The following SKI variants were observed in gnomAD, a reference collection of about 807,000 sequenced individuals.
SKI encodes SKI proto-oncogene, also known as ski oncogene.
A neutral mutation model predicts 59.3 loss-of-function variants in SKI; 23 were observed. The ratio of observed to expected loss-of-function variants is 0.39; its 90% confidence interval spans 0.28 to 0.55. The LOEUF (loss-of-function observed/expected upper bound fraction) is 0.55, where lower values mean the gene tolerates loss of function less well. Ranked by LOEUF, SKI falls within the 20% of genes least tolerant of loss-of-function variation. SKI has a pLI of 0.67. For missense variants in SKI, 1,017 were observed against 1,038.9 expected, an observed-to-expected ratio of 0.98 and a Z score of 0.29; for synonymous variants, 673 against 488.6, an observed-to-expected ratio of 1.38 and a Z score of -4.98.
chr1:2,303,363 G>C lies in SKI; in HGVS notation c.1174G>C (p.Glu392Gln), dbSNP rs1640475876. ...CCCCGCAGTGTCAGCGAGTGAGAAA[G>C]AGCTCTCCCCACACCTCCCGGCCCT... is the stretch of plus-strand genomic sequence containing the variant. ...WSPAVSASEK[E>Q]LSPHLPALIR... Residue 392 changes from glutamate (E) to glutamine (Q), a missense_variant, in exon 3 of 7, where the codon GAG becomes CAG. Transcript: ENST00000378536. The surrounding 1 kb of genome is among the most constrained non-coding windows in gnomAD (Gnocchi z 5.6). 1.2e-6 allele frequency: 2 copies of C among 1,613,674 alleles called. No homozygotes were observed. Among genetic ancestry groups the C allele is most frequent in the East Asian group, 2.2e-5 (1 of 44,876 alleles).
Position 2,229,033 on chromosome 1 carries a change from C to T in SKI, c.267C>T (p.Pro89=), listed in dbSNP as rs528051602. 1.1e-5 allele frequency: 18 copies of T among 1,600,946 alleles called. No homozygotes were observed. The South Asian group carries it at 1.2e-4, about 11-fold the overall frequency. ...IQPPPPVLPG[P]FFMPSDRSTE... is the part of the protein sequence containing the mutation. ...CGCCGCCGCCCGTGCTGCCCGGGCC[C>T]TTCTTCATGCCGTCCGACCGCTCCA... Residue 89 remains proline, a synonymous_variant, in exon 1 of 7, where the codon CCC becomes CCT. Transcript: ENST00000378536. The surrounding 1 kb of genome is among the most constrained non-coding windows in gnomAD (Gnocchi z 6.3).
chr1:2,306,349 G>C, intron 6 of SKI, 99 bp downstream of exon 6: 2 of 1,219,310 alleles, frequency 1.6e-6, no homozygotes, highest in Non-Finnish European at 2.2e-6. Flanking sequence ...CCTTGGAGCA[G>C]AAGCCAGGCC....
Position 2,303,539 on chromosome 1 carries a change from C to CT in SKI, c.1211+139_1211+140insT. On this transcript the variant is annotated intron_variant, in intron 3 of 6. Transcript: ENST00000378536. This position sits in a 1 kb window ranked among gnomAD's most constrained non-coding sequence, Gnocchi z 5.6. ...GGTCAGGGCAGTCTCGGTGTTGGTT[C>CT]CTTTGGCTGGCATCAGGGAGAGCAC... is the stretch of plus-strand genomic sequence containing the variant. The CT allele has an allele frequency of 1.3e-6, 1 of 789,762 alleles. No homozygotes were observed. The allele number at this position is 789,762 out of a possible 1,614,324, so 48.9% of individuals were successfully genotyped here.
chr1:2,274,060 G>A (rs183304355), intron 1 of SKI, among the ~76,000 whole-genome samples: 87 of 151,732 alleles, frequency 5.7e-4, no homozygotes, highest in African/African-American at 2.0e-3. Flanking sequence ...ACCCAGCCCC[G>A]GGGTCAGGTG....
intron 6 of SKI, 96 bp downstream of exon 6, chr1:2,306,346 G>A: frequency 8.2e-7 from 1 of 1,226,050 alleles, no homozygotes; most frequent in Non-Finnish European, 1.1e-6. Flanking sequence ...AGGCCTTGGA[G>A]CAGAAGCCAG....
At chr1:2,291,042 AG>A (rs1047458022) in intron 1 of SKI, among the ~76,000 whole-genome samples, 3 of 152,234 alleles carry the variant, frequency 2.0e-5, no homozygotes, top group Non-Finnish European at 4.4e-5. Context: ...AGTCGCTGGC[AG>A]GAGCGTCCGG....
intron 1 of SKI, among the ~76,000 whole-genome samples, chr1:2,275,265 GCTCAGGCGC>G (rs1342694037): frequency 1.3e-5 from 2 of 152,222 alleles, no homozygotes; most frequent in Non-Finnish European, 2.9e-5. Flanking sequence ...CCACGGCTCC[GCTCAGGCGC>G]CACGGCGGCT....
intron 1 of SKI, among the ~76,000 whole-genome samples, chr1:2,253,290 G>GCC (rs1639201556): frequency 6.6e-6 from 1 of 151,962 alleles, no homozygotes; most frequent in Non-Finnish European, 1.5e-5. Context: ...GAGCACCCAG[G>GCC]TTGGTATCAT....
In SKI at chr1:2,304,323, C is replaced by A; in HGVS notation, c.1505C>A (p.Pro502Gln). 1 of 1,551,680 alleles carries A rather than the reference C, an allele frequency of 6.4e-7. No individual in the cohort carries two copies. Residue 502 changes from proline (P) to glutamine (Q), a missense_variant, in exon 5 of 7, where the codon CCG (proline) becomes CAG (glutamine). By Grantham distance (76) the Pro-to-Gln change is moderately conservative. Transcript: ENST00000378536. ...FTSSLSSLSS[P>Q]SFTSSSSAKD... ...TCCTCCTTGTCCTCGCTCTCTTCCC[C>A]GTCCTTTACCTCATCCAGCTCCGCC... is the stretch of plus-strand genomic sequence containing the variant.
At chr1:2,304,678 TC>T in intron 5 of SKI, 93 bp downstream of exon 5, 1 of 1,460,636 alleles carries the variant, frequency 6.8e-7, no homozygotes, top group Non-Finnish European at 9.0e-7. Flanking sequence ...CCTCCTCCCT[TC>T]CTGGCTGCCC....
chr1:2,246,699 A>G (rs1382343124), intron 1 of SKI, among the ~76,000 whole-genome samples: 1 of 152,140 alleles, frequency 6.6e-6, no homozygotes, highest in East Asian at 1.9e-4. Context: ...TGTGTGATGA[A>G]GAGATGACAG....
chr1:2,308,445 T>G lies in SKI; in HGVS notation c.*1680T>G, dbSNP rs1184726630. The G allele has an allele frequency of 6.6e-6, 1 of 152,276 alleles. No individual in the cohort carries two copies. Among genetic ancestry groups the G allele is most frequent in the East Asian group, 1.9e-4 (1 of 5,202 alleles). 9.4% of individuals were successfully genotyped at this position (152,276 alleles called of 1,614,324 possible). On this transcript the variant is annotated 3_prime_UTR_variant, in exon 7 of 7. Transcript: ENST00000378536. ...TATATGCAGCGTTTGTTTGGAATTT[T>G]CTTTGCTTTTGTTTTCTTTGCGGTT...
chr1:2,303,159 G>C lies in SKI; in HGVS notation c.1095+56G>C, dbSNP rs899783159. 1 of 1,610,350 alleles carries C rather than the reference G, an allele frequency of 6.2e-7. No homozygotes were observed. On this transcript the variant is annotated intron_variant, in intron 2 of 6. Transcript: ENST00000378536. The surrounding 1 kb of genome is among the most constrained non-coding windows in gnomAD (Gnocchi z 5.6). ...TGGTGGGTACTGGGCCCTTCTCCTTGGGCAGACCCAGCGGCTGGCAGCTCC... is the reference window on the plus strand; with the variant it reads ...TGGTGGGTACTGGGCCCTTCTCCTTCGGCAGACCCAGCGGCTGGCAGCTCC...
rs1435032825 is a variant in SKI, at chr1:2,306,141, C to G, written c.1889C>G (p.Ala630Gly). 1.3e-6 allele frequency: 2 copies of G among 1,595,716 alleles called. No individual in the cohort carries two copies. The highest frequency in any genetic ancestry group is 1.7e-6 in the Non-Finnish European group (2 of 1,172,510). ...RAENEKKMKE[A>G]NESRLRLKRE... is the part of the protein sequence containing the mutation. ...GAGAACGAGAAGAAGATGAAAGAGG[C>G]CAACGAGTCACGGCTGCGCCTGAAG... Residue 630 changes from alanine to glycine, a missense_variant, in exon 6 of 7, where the codon GCC becomes GGC. Physicochemically the swap from Ala to Gly is moderately conservative, Grantham distance 60. Coordinates refer to ENST00000378536, the MANE Select transcript of SKI (RefSeq NM_003036.4).
chr1:2,259,135 C>T (rs1013625533), intron 1 of SKI, among the ~76,000 whole-genome samples: 8 of 152,178 alleles, frequency 5.3e-5, no homozygotes, highest in African/African-American at 7.2e-5. Flanking sequence ...GTGGCTCCTC[C>T]GGAACCCCTG....
At position 2,308,138 on chromosome 1, in the gene SKI, C is replaced by T. The variant is rs949683945; in HGVS notation, c.*1373C>T. ...AGACAAGAGGCGGCTACCTATCCTA[C>T]AGTTACGGTATTTATTTACATAAGA... is the stretch of plus-strand genomic sequence containing the variant. On this transcript the variant is annotated 3_prime_UTR_variant, in exon 7 of 7. Coordinates refer to ENST00000378536, the MANE Select transcript of SKI (RefSeq NM_003036.4). The T allele has an allele frequency of 3.9e-5, 6 of 152,248 alleles. No homozygotes were observed. The highest frequency in any genetic ancestry group is 5.9e-5 in the Non-Finnish European group (4 of 68,038). 9.4% of individuals were successfully genotyped at this position (152,248 alleles called of 1,614,324 possible).
chr1:2,274,333 GTTC>G (rs902576324), intron 1 of SKI, among the ~76,000 whole-genome samples: 2 of 152,290 alleles, frequency 1.3e-5, no homozygotes, highest in African/African-American at 4.8e-5. Flanking sequence ...CCGGCTCACG[GTTC>G]TTCTCTCTGC....
At chr1:2,272,843 ACGCCCCGAGCCT>A in intron 1 of SKI, among the ~76,000 whole-genome samples, 1 of 151,878 alleles carries the variant, frequency 6.6e-6, no homozygotes, top group South Asian at 2.1e-4. Context: ...TCCCCCTCCC[ACGCCCCGAGCCT>A]CGCCCTCCCA....
chr1:2,294,541 C>G (rs1640242169), intron 1 of SKI, among the ~76,000 whole-genome samples: 1 of 152,236 alleles, frequency 6.6e-6, no homozygotes, highest in Non-Finnish European at 1.5e-5. Flanking sequence ...AGCCCGTTAG[C>G]TGTCTCGGGG....
Sources: gnomAD v4.1 joint callset for allele counts (sites outside exome capture counted in the v4.1 genomes callset) on GRCh38, gnomAD v4.1.1 for gene constraint, Gnocchi (gnomAD v3.1) non-coding constraint, MANE v1.5 for transcripts, NCBI Gene and HGNC (gene_info 2026-07-23, HGNC 2026-07-21) for gene names.